HCRTR1: variants seen among roughly 807,000 people sequenced by gnomAD.
HCRTR1 encodes the protein orexin/Hypocretin receptor type 1.
A neutral mutation model predicts 40.6 loss-of-function variants in HCRTR1; 28 were observed. The observed-to-expected ratio is 0.69, with a 90% confidence interval of 0.51 to 0.95. The LOEUF is 0.95. HCRTR1 is among the 40% of genes least tolerant of loss of function. The pLI is 0.00. For synonymous variants in HCRTR1, 209 were observed against 230.0 expected (o/e 0.91, Z 0.83); for missense variants, 482 against 564.7 (o/e 0.85, Z 1.48).
At chr1:31,632,712 G>A (rs1215839454), downstream of HCRTR1, 10 of 1,527,684 alleles carry the variant, frequency 6.5e-6, no homozygotes, top group Admixed American at 1.7e-4. Flanking sequence ...AGGACCCATT[G>A]AGGCAGCCCT....
At chr1:31,627,662 A>G (rs1640007349), downstream of HCRTR1, 2 of 289,218 alleles carry the variant, frequency 6.9e-6, no homozygotes, top group Non-Finnish European at 1.4e-5. Context: ...TTAGGTTAGG[A>G]GCAGAAGAAG....
At chr1:31,623,211 C>G (rs1639896316) in intron 6 of HCRTR1, among the ~76,000 whole-genome samples, 1 of 151,298 alleles carries the variant, frequency 6.6e-6, no homozygotes, top group African/African-American at 2.4e-5. Flanking sequence ...CACCTGTAAT[C>G]CCAGCTACTC....
At position 31,619,127 on chromosome 1, in the gene HCRTR1, C is replaced by A; in HGVS notation, c.-66C>A. On this transcript the variant is annotated 5_prime_UTR_variant, in exon 3 of 9. Coordinates refer to ENST00000403528, the MANE Select transcript of HCRTR1 (RefSeq NM_001525.3). ...CTGAAGGGAGTGGGCTGAGGGCTGG[C>A]CCAAGCTCCCTCCTCTCCCTCTGTA... 2 of 1,447,774 alleles carry A rather than the reference C, an allele frequency of 1.4e-6. No individual in the cohort carries two copies. The highest frequency in any genetic ancestry group is 1.2e-5 in the South Asian group (1 of 82,208). The allele number at this position is 1,447,774 out of a possible 1,614,324, so 89.7% of individuals were successfully genotyped here. A position where few individuals can be genotyped will look rare whatever the true frequency, so the allele number is the denominator to read the frequency against.
In HCRTR1 at chr1:31,623,685, A is replaced by T; in HGVS notation, c.901A>T (p.Met301Leu). Reference sequence around the variant, plus strand: ...ACGGAGGAAGACAGCCAAGATGCTGATGGTGGTGCTGCTGGTCTTCGCCCT... The same window carrying T: ...ACGGAGGAAGACAGCCAAGATGCTGTTGGTGGTGCTGCTGGTCTTCGCCCT... Reference protein sequence around the residue: ...RARRKTAKMLMVVLLVFALCY... With the variant: ...RARRKTAKMLLVVLLVFALCY... The change falls in exon 7 of 9, where the codon ATG becomes TTG. Residue 301 changes from methionine to leucine, a missense_variant. Physicochemically the swap from Met to Leu is conservative, Grantham distance 15 (BLOSUM62 2). Transcript: ENST00000403528. 1 of 1,614,144 alleles carries T rather than the reference A, an allele frequency of 6.2e-7. No homozygotes were observed. Among genetic ancestry groups the T allele is most frequent in the Non-Finnish European group, 8.5e-7 (1 of 1,180,032 alleles).
At position 31,621,054 on chromosome 1, in the gene HCRTR1, G is replaced by T. The variant is rs199680510; in HGVS notation, c.590G>T (p.Arg197Leu). 1.1e-5 allele frequency: 17 copies of T among 1,610,934 alleles called. No individual in the cohort carries two copies. Among genetic ancestry groups the T allele is most frequent in the Non-Finnish European group, 1.4e-5 (16 of 1,179,918 alleles). The stretch of plus-strand genomic sequence containing the variant: ...CTGCCTGAGCTAGCCAACCGCACAC[G>T]GCTCTTCTCAGTCTGTGATGAACGC... The part of the protein sequence containing the change: ...SVLPELANRT[R>L]LFSVCDERWA... Residue 197 changes from arginine to leucine, a missense_variant, in exon 5 of 9, where the codon CGG (arginine) becomes CTG (leucine). Coordinates refer to ENST00000403528, the MANE Select transcript of HCRTR1 (RefSeq NM_001525.3).
chr1:31,622,988 C>A (rs561586850), intron 6 of HCRTR1, among the ~76,000 whole-genome samples: 4 of 152,254 alleles, frequency 2.6e-5, no homozygotes, highest in South Asian at 2.1e-4. Context: ...CCAATAATAT[C>A]TTTCCACAAG....
intron 2 of HCRTR1, 77 bp downstream of exon 2, chr1:31,618,893 C>CTGG (rs1215137111): frequency 2.4e-6 from 1 of 418,674 alleles, no homozygotes; most frequent in Non-Finnish European, 4.4e-6. Flanking sequence ...CCCAAGGCAA[C>CTGG]TGGTGTGGAA....
rs112114891 is a variant in HCRTR1, at chr1:31,619,098, C to A, written c.-95C>A. On this transcript the variant is annotated 5_prime_UTR_variant, in exon 3 of 9. Coordinates refer to ENST00000403528, the MANE Select transcript of HCRTR1 (RefSeq NM_001525.3). ...AAAGACCTGGGTGCAAGCCTCCAGGCACCCTGAAGGGAGTGGGCTGAGGGC... is the reference window on the plus strand; with the variant it reads ...AAAGACCTGGGTGCAAGCCTCCAGGAACCCTGAAGGGAGTGGGCTGAGGGC... 28 of 1,035,934 alleles carry A rather than the reference C, an allele frequency of 2.7e-5. No individual in the cohort carries two copies. Among genetic ancestry groups the A allele is most frequent in the African/African-American group, 6.4e-5 (4 of 62,952 alleles). The allele number at this position is 1,035,934 out of a possible 1,614,324, so 64.2% of individuals were successfully genotyped here. A position where few individuals can be genotyped will look rare whatever the true frequency, so the allele number is the denominator to read the frequency against.
chr1:31,620,952 G>C lies in HCRTR1; in HGVS notation c.488G>C (p.Gly163Ala). 6.2e-7 allele frequency: 1 copy of C among 1,614,076 alleles called. No individual in the cohort carries two copies. The highest frequency in any genetic ancestry group is 8.5e-7 in the Non-Finnish European group (1 of 1,180,026). ...LFKSTARRAR[G>A]SILGIWAVSL... The stretch of plus-strand genomic sequence containing the variant: ...AAGAGCACAGCCCGGCGGGCCCGTG[G>C]CTCCATCCTGGGCATCTGGGCTGTG... Residue 163 changes from glycine (G) to alanine (A), a missense_variant, in exon 5 of 9, where the codon GGC becomes GCC. Gly to Ala is a moderately conservative substitution (Grantham distance 60, BLOSUM62 0). Coordinates refer to ENST00000403528, the MANE Select transcript of HCRTR1 (RefSeq NM_001525.3).
At position 31,619,158 on chromosome 1, in the gene HCRTR1, T is replaced by G. The variant is rs1250275002; in HGVS notation, c.-35T>G. 6.3e-7 allele frequency: 1 copy of G among 1,584,886 alleles called. No individual in the cohort carries two copies. The highest frequency in any genetic ancestry group is 8.6e-7 in the Non-Finnish European group (1 of 1,165,020). On this transcript the variant is annotated 5_prime_UTR_variant, in exon 3 of 9. Coordinates refer to ENST00000403528, the MANE Select transcript of HCRTR1 (RefSeq NM_001525.3). ...CTCCCTCCTCTCCCTCTGTAGAGCC[T>G]AGGATGCCCCTCTGCTGCAGCGGCT...
chr1:31,627,859 A>T (rs1358919604), downstream of HCRTR1, among the ~76,000 whole-genome samples: 2 of 152,192 alleles, frequency 1.3e-5, no homozygotes, highest in Admixed American at 6.5e-5. Flanking sequence ...GTCTGCTCAC[A>T]GGCCCAGTGG....
chr1:31,620,980 G>A lies in HCRTR1; in HGVS notation c.516G>A (p.Ser172=), dbSNP rs199783403. 8.1e-6 allele frequency: 13 copies of A among 1,613,982 alleles called. No individual in the cohort carries two copies. The highest frequency in any genetic ancestry group is 1.6e-4 in the Middle Eastern group (1 of 6,062). Residue 172 remains serine, a synonymous_variant, in exon 5 of 9, where the codon TCG becomes TCA. Transcript: ENST00000403528. Reference sequence around the variant, plus strand: ...CCATCCTGGGCATCTGGGCTGTGTCGCTGGCCATCATGGTGCCCCAGGCTG... The same window carrying A: ...CCATCCTGGGCATCTGGGCTGTGTCACTGGCCATCATGGTGCCCCAGGCTG... ...RGSILGIWAV[S]LAIMVPQAAV... is the part of the protein sequence containing the mutation.
chr1:31,627,893 G>A (rs866408023), downstream of HCRTR1, among the ~76,000 whole-genome samples: 1 of 152,226 alleles, frequency 6.6e-6, no homozygotes, highest in Admixed American at 6.5e-5. Context: ...AGGGGGGCCG[G>A]GTGGGCAGAT....
At chr1:31,622,285 C>T (rs961702804) in intron 6 of HCRTR1, among the ~76,000 whole-genome samples, 2 of 152,002 alleles carry the variant, frequency 1.3e-5, no homozygotes, top group Admixed American at 6.6e-5. Context: ...GGCGTCTGGG[C>T]GGTGAGAAAA....
Position 31,626,254 on chromosome 1 carries a change from T to C in HCRTR1, c.1088-536T>C, listed in dbSNP as rs1247505327. Among the ~76,000 whole-genome samples, 1 of 152,198 alleles carries C rather than the reference T, an allele frequency of 6.6e-6. No individual in the cohort carries two copies. Among genetic ancestry groups the C allele is most frequent in the South Asian group, 2.1e-4 (1 of 4,828 alleles). On this transcript the variant is annotated intron_variant, in intron 8 of 8. Coordinates refer to ENST00000403528, the MANE Select transcript of HCRTR1 (RefSeq NM_001525.3). This position sits in a 1 kb window ranked among gnomAD's most constrained non-coding sequence, Gnocchi z 4.6. ...ATTAGAATTGGGTTCAGCTTCTGGCTGGGTGGACTTGGGCAAGCCACTGTA... is the reference window on the plus strand; with the variant it reads ...ATTAGAATTGGGTTCAGCTTCTGGCCGGGTGGACTTGGGCAAGCCACTGTA...
In HCRTR1 at chr1:31,620,865, T is replaced by C. The variant is rs201018126; in HGVS notation, c.401T>C (p.Val134Ala). Reference sequence around the variant, plus strand: ...CAGGCTGTGTCCGTGTCAGTGGCAGTGCTAACTCTCAGCTTCATCGCCCTG... The same window carrying C: ...CAGGCTGTGTCCGTGTCAGTGGCAGCGCTAACTCTCAGCTTCATCGCCCTG... The part of the protein sequence containing the change: ...YLQAVSVSVA[V>A]LTLSFIALDR... The change falls in exon 5 of 9, where the codon GTG (valine) becomes GCG (alanine). Residue 134 changes from valine (V) to alanine (A), a missense_variant. Physicochemically the swap from Val to Ala is moderately conservative, Grantham distance 64. Coordinates refer to ENST00000403528, the MANE Select transcript of HCRTR1 (RefSeq NM_001525.3). The C allele has an allele frequency of 2.5e-6, 4 of 1,614,066 alleles. No homozygotes were observed. The highest frequency in any genetic ancestry group is 3.4e-6 in the Non-Finnish European group (4 of 1,179,998).
rs1489236071 is a variant in HCRTR1, at chr1:31,626,717, G to C, written c.1088-73G>C. The C allele has an allele frequency of 6.5e-7, 1 of 1,533,214 alleles. No individual in the cohort carries two copies. The highest frequency in any genetic ancestry group is 1.4e-5 in the African/African-American group (1 of 72,766). The allele number at this position is 1,533,214 out of a possible 1,614,324, so 95.0% of individuals were successfully genotyped here. On this transcript the variant is annotated intron_variant, in intron 8 of 8. Coordinates refer to ENST00000403528, the MANE Select transcript of HCRTR1 (RefSeq NM_001525.3). This position sits in a 1 kb window ranked among gnomAD's most constrained non-coding sequence, Gnocchi z 4.6. The stretch of plus-strand genomic sequence containing the variant: ...AGGCAGCTTGGCTGGAGCTGCGTGG[G>C]TGTCCCTGGGCTCAAGGCCCCTTCC...
chr1:31,632,811 C>T (rs1640148199), downstream of HCRTR1, among the ~76,000 whole-genome samples: 1 of 152,180 alleles, frequency 6.6e-6, no homozygotes, highest in South Asian at 2.1e-4. Flanking sequence ...AGCGTTGCAC[C>T]GTCCTCCTAC....
intron 4 of HCRTR1, 100 bp downstream of exon 4, chr1:31,619,810 C>T: frequency 8.8e-7 from 1 of 1,132,358 alleles, no homozygotes; most frequent in South Asian, 1.6e-5. Context: ...GCCTTTCAGA[C>T]AGGTCAGTGG....
Sources: allele counts gnomAD v4.1 joint callset (sites outside exome capture counted in the v4.1 genomes callset), GRCh38; gene constraint gnomAD v4.1.1; non-coding constraint Gnocchi (gnomAD v3.1); transcripts MANE v1.5; gene names NCBI Gene and HGNC (gene_info 2026-07-23, HGNC 2026-07-21).